The following ST8SIA6 variants were observed in gnomAD, a reference collection of about 807,000 sequenced individuals.
ST8SIA6 encodes alpha-2,8-sialyltransferase 8F.
Under a neutral mutation model 33.6 loss-of-function variants are expected in ST8SIA6, and 39 were observed. The observed-to-expected ratio is 1.16, with a 90% CI of 0.90 to 1.52. The LOEUF (loss-of-function observed/expected upper bound fraction) is 1.52, where lower values mean the gene tolerates loss of function less well. Among genes scored for constraint, ST8SIA6 ranks in the 40% most tolerant of loss-of-function variants. The pLI is 0.00. For synonymous variants in ST8SIA6, 172 were observed against 167.2 expected (o/e 1.03, Z -0.22); for missense variants, 441 against 443.8 (o/e 0.99, Z 0.06).
chr10:17,363,135 T>C (rs1336840942), intron 3 of ST8SIA6, among the ~76,000 whole-genome samples: 1 of 152,236 alleles, frequency 6.6e-6, no homozygotes, highest in Non-Finnish European at 1.5e-5. Flanking sequence ...TTCCACTGAC[T>C]TTTCCTATTT....
intron 4 of ST8SIA6, among the ~76,000 whole-genome samples, chr10:17,358,673 AAAG>A (rs1482562577): frequency 2.2e-4 from 16 of 72,116 alleles, no homozygotes; most frequent in African/African-American, 4.9e-4. Flanking sequence ...AGGAAAGAAG[AAAG>A]AAGAAGAGGA....
At chr10:17,388,741 G>C (rs183288651) in intron 3 of ST8SIA6, among the ~76,000 whole-genome samples, 1 of 152,256 alleles carries the variant, frequency 6.6e-6, no homozygotes, top group African/African-American at 2.4e-5. Context: ...GTTTATTCCT[G>C]GGTGTAGGCC....
At chr10:17,334,170 G>A (rs1014777854) in intron 4 of ST8SIA6, among the ~76,000 whole-genome samples, 10 of 151,812 alleles carry the variant, frequency 6.6e-5, no homozygotes, top group African/African-American at 1.9e-4. Flanking sequence ...TTAAAAATAC[G>A]AACTTTCTTC....
chr10:17,318,989 C>A lies in ST8SIA6; in HGVS notation c.*1889G>T, dbSNP rs1847856684. 6.6e-6 allele frequency among the ~76,000 whole-genome samples: 1 copy of A among 152,106 alleles called. No homozygotes were observed. The highest frequency in any genetic ancestry group is 1.5e-5 in the Non-Finnish European group (1 of 68,022). On this transcript the variant is annotated 3_prime_UTR_variant, in exon 8 of 8. Coordinates refer to ENST00000377602, the MANE Select transcript of ST8SIA6 (RefSeq NM_001004470.3). ...AATGAGGCACTGTGTCTTTTACTCCCTTTAGTTCTCTGCAACACACTGACT... is the reference window on the plus strand; with the variant it reads ...AATGAGGCACTGTGTCTTTTACTCCATTTAGTTCTCTGCAACACACTGACT...
rs1376740466 is a variant in ST8SIA6, at chr10:17,320,923, C to A, written c.1152G>T (p.Met384Ile). The A allele has an allele frequency of 6.2e-7, 1 of 1,614,058 alleles. No homozygotes were observed. Among genetic ancestry groups the A allele is most frequent in the Non-Finnish European group, 8.5e-7 (1 of 1,179,956 alleles). ...TAAATTGCAGTTTGAGGATTCCTTTCATGTGAAGTTGGAGGATCTGGCTGT... is the reference window on the plus strand; with the variant it reads ...TAAATTGCAGTTTGAGGATTCCTTTAATGTGAAGTTGGAGGATCTGGCTGT... ...KEYSQILQLH[M>I]KGILKLQFSK... Residue 384 changes from methionine to isoleucine, a missense_variant, in exon 8 of 8, where the codon ATG becomes ATT. By Grantham distance (10) the Met-to-Ile change is conservative. Transcript: ENST00000377602.
intron 3 of ST8SIA6, among the ~76,000 whole-genome samples, chr10:17,376,009 A>G (rs748700821): frequency 6.6e-6 from 1 of 152,080 alleles, no homozygotes; most frequent in Non-Finnish European, 1.5e-5. Flanking sequence ...TGTAGTACAC[A>G]CTTGATGCTA....
chr10:17,347,324 A>G (rs1848870838), intron 4 of ST8SIA6, among the ~76,000 whole-genome samples: 1 of 152,226 alleles, frequency 6.6e-6, no homozygotes, highest in African/African-American at 2.4e-5. Context: ...GCGATGGACT[A>G]GAAATGGACA....
intron 2 of ST8SIA6, among the ~76,000 whole-genome samples, chr10:17,428,467 T>C (rs953351072): frequency 6.6e-6 from 1 of 152,152 alleles, no homozygotes; most frequent in African/African-American, 2.4e-5. Context: ...GTTCTCAATC[T>C]ACCCTAGAAG....
intron 3 of ST8SIA6, among the ~76,000 whole-genome samples, chr10:17,367,754 T>C (rs1392328367): frequency 6.6e-6 from 1 of 152,182 alleles, no homozygotes; most frequent in East Asian, 1.9e-4. Flanking sequence ...TTTTTACAAG[T>C]AAGACCTATA....
chr10:17,322,242 GAAAA>G (rs1404260526), intron 7 of ST8SIA6, among the ~76,000 whole-genome samples: 1 of 147,844 alleles, frequency 6.8e-6, no homozygotes, highest in African/African-American at 2.5e-5. Flanking sequence ...AAAAGAAAGA[GAAAA>G]AGAAAGGAAA....
intron 4 of ST8SIA6, among the ~76,000 whole-genome samples, chr10:17,350,548 A>C (rs559873858): frequency 7.9e-5 from 12 of 152,204 alleles, no homozygotes; most frequent in African/African-American, 2.9e-4. Flanking sequence ...AACAAAAATG[A>C]TCTAAGAAAT....
intron 2 of ST8SIA6, among the ~76,000 whole-genome samples, chr10:17,410,862 AATG>A (rs1308673833): frequency 6.6e-6 from 1 of 152,212 alleles, no homozygotes; most frequent in African/African-American, 2.4e-5. Context: ...CCATATTTAA[AATG>A]ATGTTACTCA....
chr10:17,431,112 C>T (rs1202406923), intron 2 of ST8SIA6, among the ~76,000 whole-genome samples: 1 of 152,120 alleles, frequency 6.6e-6, no homozygotes, highest in East Asian at 1.9e-4. Flanking sequence ...AAGGCAAAGC[C>T]TCATTAGGAA....
chr10:17,444,407 C>A (rs181896038), intron 2 of ST8SIA6, among the ~76,000 whole-genome samples: 2 of 152,292 alleles, frequency 1.3e-5, no homozygotes, highest in Non-Finnish European at 2.9e-5. Flanking sequence ...ATGAGTGAGA[C>A]AGAAAATAAA....
At chr10:17,408,729 G>T (rs1851353935) in intron 2 of ST8SIA6, among the ~76,000 whole-genome samples, 1 of 151,824 alleles carries the variant, frequency 6.6e-6, no homozygotes, top group Non-Finnish European at 1.5e-5. Flanking sequence ...AGTGAATTTT[G>T]AGAGAAGAAT....
chr10:17,347,792 G>T (rs966426329), intron 4 of ST8SIA6, among the ~76,000 whole-genome samples: 1 of 151,714 alleles, frequency 6.6e-6, no homozygotes, highest in African/African-American at 2.4e-5. Flanking sequence ...AAAATTAGCC[G>T]GGCGTGGTGG....
Position 17,359,583 on chromosome 10 carries a change from T to G in ST8SIA6, c.308A>C (p.Tyr103Ser). The change falls in exon 4 of 8, where the codon TAC becomes TCC. Residue 103 changes from tyrosine to serine, a missense_variant. Coordinates refer to ENST00000377602, the MANE Select transcript of ST8SIA6 (RefSeq NM_001004470.3). Reference protein sequence around the residue: ...NKTKGYSENDYLQIITDIQSC... With the variant: ...NKTKGYSENDSLQIITDIQSC... ...CTGTATATCTGTGATAATCTGAAGGTAGTCGTTCTCTGAATACCTAAAAAT... is the reference window on the plus strand; with the variant it reads ...CTGTATATCTGTGATAATCTGAAGGGAGTCGTTCTCTGAATACCTAAAAAT... 1.2e-6 allele frequency: 2 copies of G among 1,603,364 alleles called. No individual in the cohort carries two copies. The highest frequency in any genetic ancestry group is 1.7e-6 in the Non-Finnish European group (2 of 1,175,818).
intron 3 of ST8SIA6, among the ~76,000 whole-genome samples, chr10:17,366,627 T>C (rs150073210): frequency 6.6e-6 from 1 of 152,046 alleles, no homozygotes. Flanking sequence ...AGCTATAGAT[T>C]GGTGGAGCAC....
chr10:17,348,245 T>A (rs1848915874), intron 4 of ST8SIA6, among the ~76,000 whole-genome samples: 1 of 148,132 alleles, frequency 6.8e-6, no homozygotes, highest in Non-Finnish European at 1.5e-5. Flanking sequence ...TTTTGCAGAC[T>A]TTGGCAACAT....
Sources: gnomAD v4.1 joint callset for allele counts (sites outside exome capture counted in the v4.1 genomes callset) on GRCh38, gnomAD v4.1.1 for gene constraint, MANE v1.5 for transcripts, NCBI Gene and HGNC (gene_info 2026-07-23, HGNC 2026-07-21) for gene names.